Variants in ZNF556 observed in about 807,000 individuals in gnomAD.
ZNF556 encodes zinc finger protein 556.
In ZNF556, 11 loss-of-function variants were observed where a neutral mutation model predicts 13.6. The ratio of observed to expected loss-of-function variants is 0.81; its 90% CI spans 0.51 to 1.33. The LOEUF is 1.33. ZNF556 is among the 40% of genes most tolerant of loss of function. ZNF556 has a pLI of 0.00. For synonymous variants in ZNF556, 229 were observed against 207.8 expected (o/e 1.10, Z -0.88); for missense variants, 633 against 566.2 (o/e 1.12, Z -1.20).
chr19:2,873,904 C>G (rs368522288), intron 2 of ZNF556, among the ~76,000 whole-genome samples: 1 of 151,888 alleles, frequency 6.6e-6, no homozygotes, highest in East Asian at 1.9e-4. Context: ...CTACAGTGAC[C>G]CATGATCACA....
chr19:2,870,512 C>T (rs540812548), intron 1 of ZNF556, among the ~76,000 whole-genome samples: 2 of 151,592 alleles, frequency 1.3e-5, no homozygotes, highest in Admixed American at 1.3e-4. Flanking sequence ...TTTGGGAGGC[C>T]GAGGCAGGCA....
In ZNF556 at chr19:2,881,153, A is replaced by C; in HGVS notation, c.*2824A>C. On this transcript the variant is annotated 3_prime_UTR_variant, in exon 4 of 4. Transcript: ENST00000307635. Reference sequence around the variant, plus strand: ...AGTGCTGGGGTTACAGGCGTGAGCCACCGCGCCCAGCCTAATAAATTCTTG... The same window carrying C: ...AGTGCTGGGGTTACAGGCGTGAGCCCCCGCGCCCAGCCTAATAAATTCTTG... 1 of 152,140 alleles carries C rather than the reference A, an allele frequency of 6.6e-6. No homozygotes were observed. The highest frequency in any genetic ancestry group is 2.1e-4 in the South Asian group (1 of 4,828). The allele number at this position is 152,140 out of a possible 1,614,324, so 9.4% of individuals were successfully genotyped here.
chr19:2,871,038 C>CAA (rs57295849), intron 1 of ZNF556, among the ~76,000 whole-genome samples: 3 of 128,976 alleles, frequency 2.3e-5, no homozygotes, highest in African/African-American at 8.2e-5. Context: ...GACTCTATCT[C>CAA]AAAAAAAAAA....
At chr19:2,875,979 A>C in intron 2 of ZNF556, 114 bp from the exon 3 acceptor site, 2 of 946,222 alleles carry the variant, frequency 2.1e-6, no homozygotes, top group Non-Finnish European at 3.1e-6. Flanking sequence ...TAAATAAATA[A>C]ATAGATAAAT....
intron 1 of ZNF556, 23 bp from the exon 2 acceptor site, chr19:2,873,473 T>A (rs370251539): frequency 6.2e-7 from 1 of 1,613,222 alleles, no homozygotes; most frequent in African/African-American, 1.3e-5. Flanking sequence ...CATCCTCATG[T>A]ACACATATGT....
At chr19:2,877,241 T>A (rs1221520481) in intron 3 of ZNF556, 32 bp from the exon 4 acceptor site, 1 of 1,524,364 alleles carries the variant, frequency 6.6e-7, no homozygotes, top group African/African-American at 1.4e-5. Context: ...TATTAAGGCA[T>A]AAACCATTAA....
rs775156400 is a variant in ZNF556 at position 2,876,310 on chromosome 19, C to T, written c.314+34C>T. On this transcript the variant is annotated intron_variant, in intron 3 of 3. Transcript: ENST00000307635. ...TACTTAGAAGAAAAAGGCAGTATCGCCAGGCACGGTGGCTCATGCCTGTAA... is the reference window on the plus strand; with the variant it reads ...TACTTAGAAGAAAAAGGCAGTATCGTCAGGCACGGTGGCTCATGCCTGTAA... 1.9e-6 allele frequency: 3 copies of T among 1,541,032 alleles called. No homozygotes were observed. The Admixed American group carries it at 6.6e-5, about 34-fold the overall frequency.
At chr19:2,867,660 C>T (rs2087767254) in intron 1 of ZNF556, among the ~76,000 whole-genome samples, 1 of 148,708 alleles carries the variant, frequency 6.7e-6, no homozygotes, top group Admixed American at 7.0e-5. Flanking sequence ...GAAATGACTC[C>T]TGCCCTGTGG....
Position 2,867,716 on chromosome 19 carries a change from AAACAAAAC to A in ZNF556, c.3+295_3+302del, listed in dbSNP as rs1185058643. Among the ~76,000 whole-genome samples the A allele has an allele frequency of 2.1e-5, 3 of 143,632 alleles. 1 individual carries two copies. The highest frequency in any genetic ancestry group is 4.5e-5 in the Non-Finnish European group (3 of 66,046). The allele number at this position is 143,632 out of a possible 152,430, so 94.2% of individuals were successfully genotyped here. On this transcript the variant is annotated intron_variant, in intron 1 of 3. Coordinates refer to ENST00000307635, the MANE Select transcript of ZNF556 (RefSeq NM_024967.3). ...AAGAAAAACTAACCCAAAGTACAAA[AAACAAAAC>A]AAAAAAAAAAAAAACCTCACCCCAG... is the stretch of plus-strand genomic sequence containing the variant.
chr19:2,882,771 G>A lies in ZNF556; in HGVS notation c.*4442G>A, dbSNP rs572332138. On this transcript the variant is annotated 3_prime_UTR_variant, in exon 4 of 4. Coordinates refer to ENST00000307635, the MANE Select transcript of ZNF556 (RefSeq NM_024967.3). ...GGGTTTCACCTTGTTGGCCAGGATG[G>A]TCTCGATCTCTTCACCTCGTGATCT... 2.6e-5 allele frequency: 4 copies of A among 152,266 alleles called. No individual in the cohort carries two copies. The highest frequency in any genetic ancestry group is 9.6e-5 in the African/African-American group (4 of 41,520). 9.4% of individuals were successfully genotyped at this position (152,266 alleles called of 1,614,324 possible). A position where few individuals can be genotyped will look rare whatever the true frequency, so the allele number is the denominator to read the frequency against.
chr19:2,870,062 A>G (rs1157056697), intron 1 of ZNF556, among the ~76,000 whole-genome samples: 1 of 152,010 alleles, frequency 6.6e-6, no homozygotes, highest in Non-Finnish European at 1.5e-5. Context: ...TCTCCTTTCT[A>G]TATTTTTTCA....
intron 1 of ZNF556, among the ~76,000 whole-genome samples, chr19:2,870,526 C>A (rs1044970666): frequency 1.3e-5 from 2 of 151,778 alleles, no homozygotes; most frequent in Non-Finnish European, 2.9e-5. Context: ...GCAGGCAGAT[C>A]ACTTGAGGTC....
chr19:2,877,287 T>C lies in ZNF556; in HGVS notation c.329T>C (p.Val110Ala). The change falls in exon 4 of 4, where the codon GTG becomes GCG. Residue 110 changes from valine (V) to alanine (A), a missense_variant. By Grantham distance (64) the Val-to-Ala change is moderately conservative. Coordinates refer to ENST00000307635, the MANE Select transcript of ZNF556 (RefSeq NM_024967.3). Reference protein sequence around the residue: ...KERHLSRNPRVERPCKSSKGN... With the variant: ...KERHLSRNPRAERPCKSSKGN... Reference sequence around the variant, plus strand: ...CCCATTTTTAGCAGAAATCCAAGGGTGGAGAGACCATGTAAAAGCAGTAAA... The same window carrying C: ...CCCATTTTTAGCAGAAATCCAAGGGCGGAGAGACCATGTAAAAGCAGTAAA... 1.2e-6 allele frequency: 2 copies of C among 1,610,370 alleles called. No homozygotes were observed. The highest frequency in any genetic ancestry group is 1.7e-6 in the Non-Finnish European group (2 of 1,177,404).
At chr19:2,874,728 A>C (rs1389244821) in intron 2 of ZNF556, among the ~76,000 whole-genome samples, 1 of 140,844 alleles carries the variant, frequency 7.1e-6, no homozygotes, top group Non-Finnish European at 1.5e-5. Flanking sequence ...TGGGTGACAG[A>C]GTAAGACTCT....
intron 2 of ZNF556, chr19:2,875,706 T>G (rs1338007988): frequency 5.9e-6 from 1 of 168,142 alleles, no homozygotes; most frequent in East Asian, 1.9e-4. Flanking sequence ...GGCTCACACC[T>G]GTAATCCCAG....
intron 1 of ZNF556, among the ~76,000 whole-genome samples, chr19:2,872,251 C>T (rs1324510351): frequency 6.6e-6 from 1 of 152,128 alleles, no homozygotes; most frequent in African/African-American, 2.4e-5. Context: ...GGAGACTCCC[C>T]TTTCCTGGTC....
In ZNF556 at chr19:2,877,595, C is replaced by T. The variant is rs867693230; in HGVS notation, c.637C>T (p.Leu213Phe). Residue 213 changes from leucine to phenylalanine, a missense_variant, in exon 4 of 4, where the codon CTT (leucine) becomes TTT (phenylalanine). Coordinates refer to ENST00000307635, the MANE Select transcript of ZNF556 (RefSeq NM_024967.3). ...CTGTCAATCTTGCGGGAAGACATTT[C>T]TTCGTTCCCACTCTCTCACTGAACA... ...YACQSCGKTF[L>F]RSHSLTEHVR... 1 of 1,614,176 alleles carries T rather than the reference C, an allele frequency of 6.2e-7. No homozygotes were observed.
rs752873074 is a variant in ZNF556 at position 2,880,068 on chromosome 19, CAG to C, written c.*1740_*1741del. 2 of 152,072 alleles carry C rather than the reference CAG, an allele frequency of 1.3e-5. No homozygotes were observed. The highest frequency in any genetic ancestry group is 4.8e-5 in the African/African-American group (2 of 41,412). 9.4% of individuals were successfully genotyped at this position (152,072 alleles called of 1,614,324 possible). A position where few individuals can be genotyped will look rare whatever the true frequency, so the allele number is the denominator to read the frequency against. ...TAAAGAATAATTTTTTAAAAAAGCA[CAG>C]GGGATTGTTTCCCTACTGCATCTAC... On this transcript the variant is annotated 3_prime_UTR_variant, in exon 4 of 4. Transcript: ENST00000307635.
intron 1 of ZNF556, 142 bp downstream of exon 1, chr19:2,867,566 G>A (rs971338134): frequency 1.9e-5 from 23 of 1,235,582 alleles, no homozygotes; most frequent in African/African-American, 1.0e-4. Flanking sequence ...CGGGTCCTGC[G>A]GGGAGTTTCC....
Sources: allele counts gnomAD v4.1 joint callset (sites outside exome capture counted in the v4.1 genomes callset), GRCh38; gene constraint gnomAD v4.1.1; transcripts MANE v1.5; gene names NCBI Gene and HGNC (gene_info 2026-07-23, HGNC 2026-07-21).